Variants in CAMK1D observed in about 807,000 individuals in gnomAD.
The protein encoded by CAMK1D is calcium/calmodulin dependent protein kinase ID.
CAMK1D carries 9 observed loss-of-function variants against 47.7 expected under a neutral mutation model. That is an observed-to-expected ratio of 0.19 (90% CI 0.11 to 0.33). The LOEUF (loss-of-function observed/expected upper bound fraction) is 0.33, where lower values mean the gene tolerates loss of function less well. Ranked by LOEUF, CAMK1D falls within the 10% of genes least tolerant of loss-of-function variation. The probability of loss-of-function intolerance (pLI) is 1.00; values close to 1 mark genes in which losing one functional copy is unlikely to be tolerated. For missense variants in CAMK1D, 291 were observed against 488.7 expected (o/e 0.60, Z 3.81); for synonymous variants, 184 against 184.9 (o/e 0.99, Z 0.04).
chr10:12,811,431 T>C (rs1310383895), intron 6 of CAMK1D, among the ~76,000 whole-genome samples: 1 of 152,230 alleles, frequency 6.6e-6, no homozygotes, highest in Non-Finnish European at 1.5e-5. Context: ...AGGAAGATTT[T>C]GTAACTTCTG....
chr10:12,528,020 A>G (rs553858428), intron 1 of CAMK1D, among the ~76,000 whole-genome samples: 58 of 152,342 alleles, frequency 3.8e-4, no homozygotes, highest in African/African-American at 1.3e-3. Flanking sequence ...CAGTTATCCA[A>G]TTCTTACTAA....
chr10:12,485,589 C>T (rs1163801980), intron 1 of CAMK1D, among the ~76,000 whole-genome samples: 1 of 152,040 alleles, frequency 6.6e-6, no homozygotes, highest in Non-Finnish European at 1.5e-5. Flanking sequence ...CTTTGGGAGT[C>T]CTGGAAGGGA....
intron 1 of CAMK1D, among the ~76,000 whole-genome samples, chr10:12,530,844 G>A (rs1835781396): frequency 2.0e-5 from 3 of 152,046 alleles, no homozygotes; most frequent in African/African-American, 2.4e-5. Flanking sequence ...ATTACTTGAG[G>A]TCAGGAGTTC....
chr10:12,560,924 T>C (rs56060080), intron 2 of CAMK1D, among the ~76,000 whole-genome samples: 12,480 of 151,714 alleles, frequency 0.082, 749 homozygotes, highest in African/African-American at 0.15. Context: ...TTCTTTCTTT[T>C]TTTTTTTGAG....
intron 2 of CAMK1D, among the ~76,000 whole-genome samples, chr10:12,631,522 C>T (rs961877753): frequency 3.3e-5 from 5 of 152,120 alleles, no homozygotes; most frequent in African/African-American, 9.7e-5. Context: ...GATCCTATTC[C>T]AGCCAATGGA....
intron 3 of CAMK1D, among the ~76,000 whole-genome samples, chr10:12,715,724 C>CT (rs34313574): frequency 0.39 from 50,427 of 128,664 alleles, 11,344 homozygotes; most frequent in Non-Finnish European, 0.51. Context: ...TGGCATTTGC[C>CT]TTTTTTTTTT....
At chr10:12,395,433 C>A (rs1466384748) in intron 1 of CAMK1D, among the ~76,000 whole-genome samples, 1 of 152,040 alleles carries the variant, frequency 6.6e-6, no homozygotes. Flanking sequence ...CCAGTCACCT[C>A]ATTAGCCCAC....
At chr10:12,561,400 G>A (rs532365938) in intron 2 of CAMK1D, among the ~76,000 whole-genome samples, 4 of 152,046 alleles carry the variant, frequency 2.6e-5, no homozygotes, top group East Asian at 1.9e-4. Flanking sequence ...TGTGAAAACC[G>A]GGCTCTGCGA....
chr10:12,677,357 T>C (rs1195120234), intron 3 of CAMK1D, among the ~76,000 whole-genome samples: 2 of 152,114 alleles, frequency 1.3e-5, no homozygotes, highest in Non-Finnish European at 1.5e-5. Context: ...TACCAAAATC[T>C]TATCTTTGTT....
At chr10:12,521,682 G>C (rs1380621103) in intron 1 of CAMK1D, among the ~76,000 whole-genome samples, 1 of 151,974 alleles carries the variant, frequency 6.6e-6, no homozygotes, top group Non-Finnish European at 1.5e-5. Flanking sequence ...CCAAGAAAGG[G>C]GTGTTGAAAT....
intron 3 of CAMK1D, among the ~76,000 whole-genome samples, chr10:12,758,560 A>G (rs11257972): frequency 4.0e-4 from 61 of 152,346 alleles, no homozygotes; most frequent in African/African-American, 1.2e-3. Context: ...AGTACATGCT[A>G]TCCTTTGATG....
chr10:12,442,847 G>T (rs1267880597), intron 1 of CAMK1D, among the ~76,000 whole-genome samples: 1 of 152,214 alleles, frequency 6.6e-6, no homozygotes, highest in Non-Finnish European at 1.5e-5. Context: ...AAGCATGTTA[G>T]ATGTGAGTAT....
At chr10:12,615,446 A>ATG (rs60176998) in intron 2 of CAMK1D, among the ~76,000 whole-genome samples, 2 of 148,206 alleles carry the variant, frequency 1.3e-5, no homozygotes, top group Non-Finnish European at 2.9e-5. Flanking sequence ...GAGTGTGTGC[A>ATG]TGTGTGTGTG....
chr10:12,751,303 T>C (rs1189025246), intron 3 of CAMK1D, among the ~76,000 whole-genome samples: 1 of 152,110 alleles, frequency 6.6e-6, no homozygotes, highest in African/African-American at 2.4e-5. Flanking sequence ...TCACCCATGC[T>C]GGAGTGAGTG....
At chr10:12,651,403 T>G (rs1839960883) in intron 2 of CAMK1D, among the ~76,000 whole-genome samples, 1 of 152,194 alleles carries the variant, frequency 6.6e-6, no homozygotes, top group South Asian at 2.1e-4. Flanking sequence ...ATTTTATTCA[T>G]GTTTTTGAAA....
chr10:12,649,969 T>C (rs1839914394), intron 2 of CAMK1D, among the ~76,000 whole-genome samples: 1 of 152,232 alleles, frequency 6.6e-6, no homozygotes, highest in African/African-American at 2.4e-5. Flanking sequence ...GATTTCACCG[T>C]GTTCAACTTC....
intron 1 of CAMK1D, among the ~76,000 whole-genome samples, chr10:12,528,222 A>G (rs914342929): frequency 1.3e-5 from 2 of 152,266 alleles, no homozygotes; most frequent in African/African-American, 4.8e-5. Context: ...AAGTCCACAG[A>G]CATAACTACA....
At chr10:12,379,050 T>C (rs1444943854) in intron 1 of CAMK1D, among the ~76,000 whole-genome samples, 1 of 152,144 alleles carries the variant, frequency 6.6e-6, no homozygotes, top group Non-Finnish European at 1.5e-5. Flanking sequence ...TCTCAGGTGA[T>C]CTGCCCACCT....
At chr10:12,612,034 T>TA (rs967291524) in intron 2 of CAMK1D, among the ~76,000 whole-genome samples, 8 of 152,202 alleles carry the variant, frequency 5.3e-5, no homozygotes, top group Admixed American at 3.9e-4. Context: ...GTAGATAAAC[T>TA]AAAAAGCACT....
Sources: allele counts gnomAD v4.1 joint callset (sites outside exome capture counted in the v4.1 genomes callset), GRCh38; gene constraint gnomAD v4.1.1; transcripts MANE v1.5; gene names NCBI Gene and HGNC (gene_info 2026-07-23, HGNC 2026-07-21).